C10orf67: variants seen among roughly 807,000 people sequenced by gnomAD.
The protein encoded by C10orf67 is uncharacterized protein C10orf67, mitochondrial.
Under a neutral mutation model 35.6 loss-of-function variants are expected in C10orf67, and 60 were observed. The observed-to-expected ratio is 1.68, with a 90% confidence interval of 1.37 to 2.09. The LOEUF (loss-of-function observed/expected upper bound fraction) is 2.09. Among genes scored for constraint, C10orf67 ranks in the 30% most tolerant of loss-of-function variants. C10orf67 has a pLI of 0.00. For synonymous variants in C10orf67, 167 were observed against 115.8 expected (o/e 1.44, Z -2.84); for missense variants, 474 against 330.2 (o/e 1.44, Z -3.38).
At chr10:23,247,599 A>G (rs1200023639) in intron 12 of C10orf67, among the ~76,000 whole-genome samples, 2 of 152,116 alleles carry the variant, frequency 1.3e-5, no homozygotes, top group African/African-American at 4.8e-5. Context: ...TATATATATA[A>G]TATGAGGATA....
intron 15 of C10orf67, among the ~76,000 whole-genome samples, chr10:23,220,482 A>G (rs1841547952): frequency 6.6e-6 from 1 of 152,182 alleles, no homozygotes; most frequent in South Asian, 2.1e-4. Flanking sequence ...CAGCCTCCAA[A>G]GCCCAGGTTA....
At chr10:23,309,835 A>G (rs1472999134) in intron 4 of C10orf67, among the ~76,000 whole-genome samples, 1 of 152,230 alleles carries the variant, frequency 6.6e-6, no homozygotes, top group Non-Finnish European at 1.5e-5. Context: ...TTACTTTTAC[A>G]TGCTTCCTAA....
At chr10:23,302,679 C>T (rs377732302) in intron 5 of C10orf67, among the ~76,000 whole-genome samples, 8 of 152,278 alleles carry the variant, frequency 5.3e-5, no homozygotes, top group African/African-American at 1.7e-4. Flanking sequence ...ACAATGAATT[C>T]GTTCTCAGGA....
chr10:23,269,575 A>T, intron 8 of C10orf67, among the ~76,000 whole-genome samples: 1 of 152,214 alleles, frequency 6.6e-6, no homozygotes, highest in East Asian at 1.9e-4. Flanking sequence ...TGAATTAAAC[A>T]ATCTAGTTAA....
chr10:23,336,575 T>G (rs1291765476), intron 1 of C10orf67, among the ~76,000 whole-genome samples: 1 of 152,158 alleles, frequency 6.6e-6, no homozygotes, highest in Non-Finnish European at 1.5e-5. Flanking sequence ...AGTGCAGTGG[T>G]GTGATCTCAG....
At chr10:23,208,428 G>C (rs1055033621) in intron 15 of C10orf67, among the ~76,000 whole-genome samples, 2 of 152,144 alleles carry the variant, frequency 1.3e-5, no homozygotes, top group African/African-American at 4.8e-5. Flanking sequence ...ATATAATTCT[G>C]AAGAGCAAGG....
chr10:23,342,044 G>A (rs11013406), intron 1 of C10orf67, among the ~76,000 whole-genome samples: 2 of 151,826 alleles, frequency 1.3e-5, no homozygotes, highest in South Asian at 2.1e-4. Context: ...TGTGCTTGTC[G>A]TCTCAGCTAC....
At chr10:23,236,142 G>C (rs578215054) in intron 13 of C10orf67, among the ~76,000 whole-genome samples, 11 of 151,292 alleles carry the variant, frequency 7.3e-5, no homozygotes, top group Admixed American at 7.2e-4. Flanking sequence ...CCAGCTACTC[G>C]GGAGGCTGAG....
intron 12 of C10orf67, among the ~76,000 whole-genome samples, chr10:23,248,639 C>G (rs1323350694): frequency 6.6e-6 from 1 of 152,048 alleles, no homozygotes; most frequent in East Asian, 1.9e-4. Flanking sequence ...CATGTTAGCC[C>G]ATGTAAGTCT....
At chr10:23,331,169 ACCGGGACGGGGAAGGG>A (rs1845438285) in intron 2 of C10orf67, among the ~76,000 whole-genome samples, 1 of 145,022 alleles carries the variant, frequency 6.9e-6, no homozygotes, top group Non-Finnish European at 1.5e-5. Context: ...AGGGAAGGGA[ACCGGGACGGGGAAGGG>A]AAGGGAAGGG....
chr10:23,304,804 G>A (rs1004581429), intron 4 of C10orf67, among the ~76,000 whole-genome samples: 1 of 152,148 alleles, frequency 6.6e-6, no homozygotes, highest in Non-Finnish European at 1.5e-5. Flanking sequence ...CCCACCATCT[G>A]CAAACCCAAC....
intron 7 of C10orf67, among the ~76,000 whole-genome samples, chr10:23,288,349 C>G (rs1382031984): frequency 6.6e-6 from 1 of 152,134 alleles, no homozygotes; most frequent in African/African-American, 2.4e-5. Flanking sequence ...AGCCATCATC[C>G]TCAGCAAACT....
At chr10:23,240,746 C>A (rs1204892727) in intron 12 of C10orf67, among the ~76,000 whole-genome samples, 3 of 152,182 alleles carry the variant, frequency 2.0e-5, no homozygotes, top group Admixed American at 6.5e-5. Flanking sequence ...GTGTGACATC[C>A]CTTCAGCCAT....
At position 23,203,367 on chromosome 10, in the gene C10orf67, A is replaced by G. The variant is rs1157207385; in HGVS notation, c.*806T>C. ...GCAGCTTTCTTTTGAACTAAAGTAT[A>G]TCAGCTTTATGTGACAACTACCACA... On this transcript the variant is annotated 3_prime_UTR_variant, in exon 16 of 16. Transcript: ENST00000636213. 2 of 152,240 alleles carry G rather than the reference A, an allele frequency of 1.3e-5. No homozygotes were observed. The highest frequency in any genetic ancestry group is 2.9e-5 in the Non-Finnish European group (2 of 68,048). The allele number at this position is 152,240 out of a possible 1,614,324, so 9.4% of individuals were successfully genotyped here.
intron 5 of C10orf67, among the ~76,000 whole-genome samples, chr10:23,296,314 C>G (rs1231639661): frequency 6.6e-6 from 1 of 152,128 alleles, no homozygotes; most frequent in Non-Finnish European, 1.5e-5. Flanking sequence ...CGATCATTGT[C>G]CCTCCCACTG....
At position 23,268,616 on chromosome 10, in the gene C10orf67, G is replaced by A. The variant is rs147490710; in HGVS notation, c.976-1362C>T. On this transcript the variant is annotated intron_variant, in intron 8 of 15. Transcript: ENST00000636213. Reference sequence around the variant, plus strand: ...TGAGAGGATAGTTACTGATGCCCACGAAAGGCTATACTTAGTTGGTTTCAA... The same window carrying A: ...TGAGAGGATAGTTACTGATGCCCACAAAAGGCTATACTTAGTTGGTTTCAA... Among the ~76,000 whole-genome samples the A allele has an allele frequency of 1.4e-3, 215 of 152,296 alleles. 3 individuals are homozygous for A. Among genetic ancestry groups the A allele is most frequent in the Middle Eastern group, 3.4e-3 (1 of 294 alleles).
At chr10:23,284,133 G>T (rs562750241) in intron 7 of C10orf67, among the ~76,000 whole-genome samples, 1 of 149,944 alleles carries the variant, frequency 6.7e-6, no homozygotes, top group Admixed American at 6.6e-5. Context: ...AAAAAAAAGG[G>T]TGGGGGGAAC....
chr10:23,215,024 G>A (rs1483657949), intron 15 of C10orf67, among the ~76,000 whole-genome samples: 1 of 151,880 alleles, frequency 6.6e-6, no homozygotes, highest in East Asian at 1.9e-4. Context: ...CTCTGTCTCA[G>A]AAAATAGAAA....
chr10:23,219,414 A>G (rs1191287406), intron 15 of C10orf67, among the ~76,000 whole-genome samples: 1 of 152,222 alleles, frequency 6.6e-6, no homozygotes, highest in African/African-American at 2.4e-5. Context: ...CTGGACTGTG[A>G]GAAAGGTCTT....
Sources: gnomAD v4.1 joint callset for allele counts (sites outside exome capture counted in the v4.1 genomes callset) on GRCh38, gnomAD v4.1.1 for gene constraint, MANE v1.5 for transcripts, NCBI Gene and HGNC (gene_info 2026-07-23, HGNC 2026-07-21) for gene names.